The following MYO16 variants were observed in gnomAD, a reference collection of about 807,000 sequenced individuals.
MYO16 encodes the protein unconventional myosin-XVI.
MYO16 carries 94 observed loss-of-function variants against 205.3 expected under a neutral mutation model. The ratio of observed to expected loss-of-function variants is 0.46; its 90% CI spans 0.39 to 0.54. MYO16 has a LOEUF of 0.54. Among genes scored for constraint, MYO16 ranks in the 20% least tolerant of loss-of-function variants. The pLI, the probability that MYO16 is intolerant of heterozygous loss-of-function variation, is 0.00. For synonymous variants in MYO16, 988 were observed against 954.0 expected (o/e 1.04, Z -0.66); for missense variants, 2,315 against 2,387.5 (o/e 0.97, Z 0.63).
At chr13:109,106,887 G>A (rs1889137245) in intron 28 of MYO16, among the ~76,000 whole-genome samples, 2 of 152,148 alleles carry the variant, frequency 1.3e-5, no homozygotes, top group African/African-American at 2.4e-5. Flanking sequence ...TCCCGTTTGA[G>A]GCAGGAACTT....
At chr13:108,837,538 T>G (rs1293695528) in intron 9 of MYO16, among the ~76,000 whole-genome samples, 2 of 152,226 alleles carry the variant, frequency 1.3e-5, no homozygotes, top group Non-Finnish European at 2.9e-5. Flanking sequence ...AATACAAAAC[T>G]GTAGGGCTTG....
intron 7 of MYO16, among the ~76,000 whole-genome samples, chr13:108,817,580 TACACAGGTAC>T (rs1175336968): frequency 6.6e-6 from 1 of 152,216 alleles, no homozygotes; most frequent in Admixed American, 6.5e-5. Flanking sequence ...TGGTGCTGAT[TACACAGGTAC>T]ACACATTTGC....
the MYO16 span, among the ~76,000 whole-genome samples, chr13:108,575,121 C>T: frequency 1.3e-5 from 2 of 152,168 alleles, no homozygotes; most frequent in South Asian, 4.1e-4. Context: ...TTATCAGATG[C>T]CCTCTATCCT....
the MYO16 span, among the ~76,000 whole-genome samples, chr13:108,544,406 A>G: frequency 5.3e-5 from 8 of 152,168 alleles, no homozygotes; most frequent in African/African-American, 1.9e-4. Context: ...TCGTGAGCAC[A>G]TGTGAGGGGT....
chr13:108,864,831 C>T (rs1878624139), intron 11 of MYO16, among the ~76,000 whole-genome samples: 1 of 152,154 alleles, frequency 6.6e-6, no homozygotes, highest in African/African-American at 2.4e-5. Context: ...AGCCACTGCA[C>T]CTGCCCATGA....
intron 7 of MYO16, among the ~76,000 whole-genome samples, chr13:108,815,256 G>A (rs190701251): frequency 2.0e-5 from 3 of 152,244 alleles, no homozygotes; most frequent in Admixed American, 6.6e-5. Context: ...TGCCCCCAAC[G>A]ATGTCCATGT....
At chr13:108,922,070 G>A (rs148430621) in intron 16 of MYO16, among the ~76,000 whole-genome samples, 15 of 152,298 alleles carry the variant, frequency 9.8e-5, no homozygotes, top group Non-Finnish European at 5.9e-5. Flanking sequence ...CCTAGCGTAC[G>A]TCTCTGCCTC....
intron 1 of MYO16, among the ~76,000 whole-genome samples, chr13:108,613,032 AAAAGT>A (rs977012350): frequency 4.6e-5 from 7 of 152,174 alleles, no homozygotes; most frequent in African/African-American, 1.7e-4. Flanking sequence ...GAGAGAGACA[AAAAGT>A]AAAGCTAAGT....
At chr13:108,682,645 T>C (rs1160882465) in intron 2 of MYO16, among the ~76,000 whole-genome samples, 2 of 151,906 alleles carry the variant, frequency 1.3e-5, no homozygotes, top group African/African-American at 2.4e-5. Flanking sequence ...GGGAGAGAGA[T>C]GTAGACAAAA....
rs117172461 is a variant in MYO16, at chr13:109,177,270, T to C, written c.5324-2272T>C. 8.1e-3 allele frequency among the ~76,000 whole-genome samples: 1,239 copies of C among 152,318 alleles called. 8 individuals carry two copies. The highest frequency in any genetic ancestry group is 0.031 in the South Asian group (150 of 4,826). ...TTAATCCTGAAATCATGCTGCTGTG[T>C]GTTTGGCCTCAGTGCCATTCTCACT... On this transcript the variant is annotated intron_variant, in intron 33 of 34. Transcript: ENST00000457511.
intron 4 of MYO16, among the ~76,000 whole-genome samples, chr13:108,759,649 G>C (rs560837089): frequency 6.6e-6 from 1 of 151,856 alleles, no homozygotes; most frequent in Non-Finnish European, 1.5e-5. Context: ...GTGAAACCCC[G>C]TCTCTACTAA....
At chr13:109,137,989 G>A (rs1465715578) in intron 31 of MYO16, among the ~76,000 whole-genome samples, 1 of 152,058 alleles carries the variant, frequency 6.6e-6, no homozygotes, top group African/African-American at 2.4e-5. Flanking sequence ...CTTTTTTGTT[G>A]TTGTATGACT....
At chr13:109,001,182 A>G (rs544427962) in intron 21 of MYO16, among the ~76,000 whole-genome samples, 1 of 107,212 alleles carries the variant, frequency 9.3e-6, no homozygotes, top group Non-Finnish European at 2.1e-5. Flanking sequence ...TAAAAAATTT[A>G]AAAAAAAAAA....
At chr13:109,091,535 C>T (rs753172843) in intron 27 of MYO16, among the ~76,000 whole-genome samples, 9 of 152,288 alleles carry the variant, frequency 5.9e-5, no homozygotes, top group East Asian at 1.9e-4. Flanking sequence ...TTGCCATTGA[C>T]GCCACAGTCA....
At chr13:108,854,219 A>G (rs1364854745) in intron 10 of MYO16, among the ~76,000 whole-genome samples, 3 of 151,506 alleles carry the variant, frequency 2.0e-5, no homozygotes, top group African/African-American at 7.3e-5. Context: ...CTGGTCTCAA[A>G]CTCCTGACCT....
intron 11 of MYO16, among the ~76,000 whole-genome samples, chr13:108,858,146 T>A (rs936462236): frequency 1.3e-5 from 2 of 152,206 alleles, no homozygotes; most frequent in African/African-American, 4.8e-5. Context: ...ATGACCAGTG[T>A]GTAGTGAAAA....
At chr13:108,517,222 G>A in the MYO16 span, among the ~76,000 whole-genome samples, 142 of 152,234 alleles carry the variant, frequency 9.3e-4, no homozygotes, top group Non-Finnish European at 9.1e-4. Flanking sequence ...GAGCCACTGC[G>A]CCTGGCTGCG....
intron 4 of MYO16, among the ~76,000 whole-genome samples, chr13:108,765,711 GT>G (rs1467704990): frequency 6.6e-6 from 1 of 152,170 alleles, no homozygotes; most frequent in Non-Finnish European, 1.5e-5. Flanking sequence ...CTGTCAATAT[GT>G]GGGGACTTCT....
intron 21 of MYO16, among the ~76,000 whole-genome samples, chr13:109,005,375 G>A (rs1257464309): frequency 6.6e-6 from 1 of 152,110 alleles, no homozygotes; most frequent in Non-Finnish European, 1.5e-5. Context: ...ATTGGGAAGG[G>A]TGGTAGTCAT....
Sources: allele counts gnomAD v4.1 joint callset (sites outside exome capture counted in the v4.1 genomes callset), GRCh38; gene constraint gnomAD v4.1.1; transcripts MANE v1.5; gene names NCBI Gene and HGNC (gene_info 2026-07-23, HGNC 2026-07-21).